Variants in OR2L13 observed in about 807,000 individuals in gnomAD.
OR2L13 encodes the protein olfactory receptor 2L13.
OR2L13 carries 14 observed loss-of-function variants against 15.3 expected under a neutral mutation model. The observed-to-expected ratio is 0.91, with a 90% CI of 0.60 to 1.43. OR2L13 has a LOEUF of 1.43. Ranked by LOEUF, OR2L13 falls within the 40% of genes most tolerant of loss-of-function variation. OR2L13 has a pLI of 0.00. For synonymous variants in OR2L13, 152 were observed against 142.9 expected (o/e 1.06, Z -0.45); for missense variants, 367 against 387.9 (o/e 0.95, Z 0.45).
chr1:248,038,974 C>G, the OR2L13 span: 1 of 1,614,086 alleles, frequency 6.2e-7, no homozygotes. Context: ...AGGAAGAAGG[C>G]CTATTCAACC....
chr1:248,081,606 A>G, the OR2L13 span, among the ~76,000 whole-genome samples: 4 of 152,144 alleles, frequency 2.6e-5, no homozygotes, highest in African/African-American at 4.8e-5. Context: ...CTAAGAGAAG[A>G]TTTTTTAGAT....
the OR2L13 span, among the ~76,000 whole-genome samples, chr1:247,956,387 A>C: frequency 2.0e-5 from 3 of 151,566 alleles, no homozygotes; most frequent in African/African-American, 7.3e-5. Context: ...TGATGCCTCC[A>C]GCTTTGTTCT....
At chr1:248,086,761 C>A in the OR2L13 span, among the ~76,000 whole-genome samples, 1 of 151,768 alleles carries the variant, frequency 6.6e-6, no homozygotes, top group South Asian at 2.1e-4. Context: ...TAATTCTAAG[C>A]TATTAAATAG....
At chr1:248,022,545 T>C in the OR2L13 span, 7 of 1,614,200 alleles carry the variant, frequency 4.3e-6, no homozygotes, top group South Asian at 4.4e-5. Flanking sequence ...CACAGTGTTT[T>C]TGAGCAGCAC....
chr1:247,990,173 G>A, the OR2L13 span: 1 of 551,712 alleles, frequency 1.8e-6, no homozygotes, highest in Non-Finnish European at 3.3e-6. Flanking sequence ...GCATTCACTG[G>A]CGGGCTTGAA....
At chr1:248,040,017 T>A in the OR2L13 span, 3 of 152,216 alleles carry the variant, frequency 2.0e-5, no homozygotes, top group Non-Finnish European at 2.9e-5. Context: ...AGTAGGTTAT[T>A]TGAATCATTT....
chr1:247,950,337 C>G, the OR2L13 span, among the ~76,000 whole-genome samples: 6 of 152,226 alleles, frequency 3.9e-5, no homozygotes, highest in Non-Finnish European at 8.8e-5. Context: ...AGTCCTGATA[C>G]CACTCTGGAT....
chr1:248,017,420 T>A, the OR2L13 span, among the ~76,000 whole-genome samples: 4 of 152,160 alleles, frequency 2.6e-5, no homozygotes, highest in Admixed American at 6.5e-5. Flanking sequence ...ATCAAAGAGA[T>A]GCTACACTGG....
chr1:248,099,871 C>T (rs1220270755), exon 3 of OR2L13: 6 of 1,614,120 alleles, frequency 3.7e-6, no homozygotes, highest in Admixed American at 1.7e-5. Flanking sequence ...CCTTCATATT[C>T]CCTACTGCAG....
At chr1:248,086,548 A>T in the OR2L13 span, among the ~76,000 whole-genome samples, 5 of 152,144 alleles carry the variant, frequency 3.3e-5, no homozygotes, top group African/African-American at 9.7e-5. Flanking sequence ...TTTCAGGTAT[A>T]CGGAGGTATT....
the OR2L13 span, among the ~76,000 whole-genome samples, chr1:248,082,503 A>G: frequency 6.6e-6 from 1 of 152,144 alleles, no homozygotes; most frequent in Non-Finnish European, 1.5e-5. Context: ...TATAATAAAA[A>G]AAAAGAAAAA....
the OR2L13 span, chr1:248,039,144 A>C: frequency 6.2e-7 from 1 of 1,613,686 alleles, no homozygotes; most frequent in African/African-American, 1.3e-5. Flanking sequence ...CAGCCTGAGA[A>C]ACAAGGAGGT....
chr1:248,040,094 A>C, the OR2L13 span: 5 of 152,216 alleles, frequency 3.3e-5, no homozygotes, highest in African/African-American at 1.2e-4. Context: ...CATGCAAGAC[A>C]TTCTCTTCTG....
the OR2L13 span, chr1:248,061,051 G>A: frequency 1.9e-6 from 3 of 1,614,078 alleles, no homozygotes; most frequent in South Asian, 2.2e-5. Context: ...TCGTTACATT[G>A]CTATTTGCTT....
the OR2L13 span, among the ~76,000 whole-genome samples, chr1:248,005,589 C>T: frequency 6.6e-6 from 1 of 152,014 alleles, no homozygotes; most frequent in South Asian, 2.1e-4. Flanking sequence ...TGCAGAATGT[C>T]ATTGGTATTT....
the OR2L13 span, among the ~76,000 whole-genome samples, chr1:247,982,865 GA>G: frequency 6.6e-6 from 1 of 151,794 alleles, no homozygotes; most frequent in Non-Finnish European, 1.5e-5. Flanking sequence ...TATCTATAAT[GA>G]TTTTTTTATT....
the OR2L13 span, chr1:247,997,228 A>G: frequency 6.6e-6 from 1 of 152,212 alleles, no homozygotes; most frequent in Admixed American, 6.5e-5. Context: ...CTTTTTTCCC[A>G]TGTAGGTGGT....
chr1:248,009,902 CT>C, the OR2L13 span, among the ~76,000 whole-genome samples: 1 of 152,112 alleles, frequency 6.6e-6, no homozygotes, highest in Non-Finnish European at 1.5e-5. Context: ...ATAAACAGAA[CT>C]AATGACAAAA....
At chr1:248,020,892 G>A in the OR2L13 span, among the ~76,000 whole-genome samples, 1 of 149,496 alleles carries the variant, frequency 6.7e-6, no homozygotes, top group African/African-American at 2.5e-5. Flanking sequence ...TGTATATATG[G>A]GACCAACATG....
Sources: gnomAD v4.1 joint callset for allele counts (sites outside exome capture counted in the v4.1 genomes callset) on GRCh38, gnomAD v4.1.1 for gene constraint, MANE v1.5 for transcripts, NCBI Gene and HGNC (gene_info 2026-07-23, HGNC 2026-07-21) for gene names.